BRWD1: variants seen among roughly 807,000 people sequenced by gnomAD.
BRWD1 encodes the protein bromodomain and WD repeat domain containing 1.
BRWD1 carries 82 observed loss-of-function variants against 251.2 expected under a neutral mutation model. That is an observed-to-expected ratio of 0.33 (90% CI 0.27 to 0.39). The LOEUF (loss-of-function observed/expected upper bound fraction) is 0.39. Ranked by LOEUF, BRWD1 falls within the 10% of genes least tolerant of loss-of-function variation. The probability of loss-of-function intolerance (pLI) is 1.00; values close to 1 mark genes in which losing one functional copy is unlikely to be tolerated. For synonymous variants in BRWD1, 918 were observed against 902.8 expected (o/e 1.02, Z -0.30); for missense variants, 2,233 against 2,711.6 (o/e 0.82, Z 3.92).
At chr21:39,261,139 T>G (rs2034730210) in intron 17 of BRWD1, among the ~76,000 whole-genome samples, 1 of 152,066 alleles carries the variant, frequency 6.6e-6, no homozygotes, top group African/African-American at 2.4e-5. Context: ...GCAGGGAAAC[T>G]GCTTGAACCC....
At chr21:39,185,223 C>A (rs1486684701), downstream of BRWD1, 3 of 140,798 alleles carry the variant, frequency 2.1e-5, no homozygotes, top group African/African-American at 8.0e-5. Context: ...ATCTCAAATA[C>A]TGACAGAAAT....
At chr21:39,217,902 A>C (rs1029707001) in intron 31 of BRWD1, among the ~76,000 whole-genome samples, 15 of 152,198 alleles carry the variant, frequency 9.9e-5, no homozygotes, top group Non-Finnish European at 1.6e-4. Context: ...AGTGGAATAA[A>C]AGTAAAATTT....
chr21:39,242,274 T>C (rs1232486138), intron 21 of BRWD1, among the ~76,000 whole-genome samples: 4 of 152,214 alleles, frequency 2.6e-5, no homozygotes, highest in Non-Finnish European at 5.9e-5. Flanking sequence ...ATACGGCTAA[T>C]ATAGAGAAAG....
intron 21 of BRWD1, among the ~76,000 whole-genome samples, chr21:39,246,044 A>G (rs1601373615): frequency 6.6e-6 from 1 of 152,352 alleles, no homozygotes; most frequent in East Asian, 1.9e-4. Context: ...GCTACTAAGG[A>G]AAAAATAAAA....
chr21:39,272,205 C>T (rs1190126800), intron 13 of BRWD1, among the ~76,000 whole-genome samples: 6 of 150,648 alleles, frequency 4.0e-5, no homozygotes, highest in Non-Finnish European at 5.9e-5. Context: ...GAGGGCGACG[C>T]GGGTGGATCA....
upstream of BRWD1, chr21:39,313,957 G>T (rs1045358068): frequency 3.4e-5 from 12 of 351,860 alleles, no homozygotes; most frequent in Non-Finnish European, 5.0e-5. Context: ...GGGGGCGGAA[G>T]CGCGGCCACA....
chr21:39,258,457 T>A lies in BRWD1; in HGVS notation c.2071+30A>T, dbSNP rs368100479. 1.0e-5 allele frequency: 15 copies of A among 1,501,858 alleles called. No individual in the cohort carries two copies. The Admixed American group carries it at 1.0e-4, about 10-fold the overall frequency. The allele number at this position is 1,501,858 out of a possible 1,614,324, so 93.0% of individuals were successfully genotyped here. ...CTCTTTAATTTCAATGCAGCCATAT[T>A]CAGGTAAAACATTTATCACTATTTA... On this transcript the variant is annotated intron_variant, in intron 18 of 40. Transcript: ENST00000342449.
Position 39,295,724 on chromosome 21 carries a change from G to A in BRWD1, c.609+19C>T. ...AGTACTCTAGATGACATCAAATCAA[G>A]TTTAAAATTTTTACTCACTGTAAAG... On this transcript the variant is annotated intron_variant, in intron 7 of 40. Transcript: ENST00000342449. 1 of 1,535,594 alleles carries A rather than the reference G, an allele frequency of 6.5e-7. No individual in the cohort carries two copies. The highest frequency in any genetic ancestry group is 8.8e-7 in the Non-Finnish European group (1 of 1,136,182).
At chr21:39,200,708 G>C (rs942295329) in intron 38 of BRWD1, among the ~76,000 whole-genome samples, 3 of 152,154 alleles carry the variant, frequency 2.0e-5, no homozygotes, top group African/African-American at 7.2e-5. Flanking sequence ...GCTGCAGGCC[G>C]GGCACGGTGA....
chr21:39,314,636 T>C, upstream of BRWD1: 1 of 333,980 alleles, frequency 3.0e-6, no homozygotes, highest in Non-Finnish European at 5.9e-6. Context: ...CAGCCTGCCC[T>C]GCTCTGGCCC....
chr21:39,206,346 T>C (rs1001986932), intron 36 of BRWD1, 72 bp from the exon 37 acceptor site: 2 of 1,152,060 alleles, frequency 1.7e-6, no homozygotes, highest in Admixed American at 5.2e-5. Flanking sequence ...TTGTAATCAT[T>C]GAGATCCCTT....
At chr21:39,314,407 C>T (rs1449473776), upstream of BRWD1, 3 of 446,796 alleles carry the variant, frequency 6.7e-6, no homozygotes, top group African/African-American at 6.0e-5. Flanking sequence ...CGGCTGGATC[C>T]ATCCAAGCAT....
intron 36 of BRWD1, among the ~76,000 whole-genome samples, chr21:39,207,186 G>A (rs2032433722): frequency 6.6e-6 from 1 of 152,050 alleles, no homozygotes; most frequent in Non-Finnish European, 1.5e-5. Flanking sequence ...TATAATCCCA[G>A]TACTTTGGGA....
chr21:39,301,464 G>A (rs2036110806), intron 4 of BRWD1, among the ~76,000 whole-genome samples: 1 of 138,480 alleles, frequency 7.2e-6, no homozygotes, highest in African/African-American at 2.6e-5. Flanking sequence ...CAATAGTCAG[G>A]TAGAAACTGA....
chr21:39,300,790 T>C (rs2036089645), intron 4 of BRWD1, among the ~76,000 whole-genome samples: 1 of 152,212 alleles, frequency 6.6e-6, no homozygotes, highest in South Asian at 2.1e-4. Context: ...TGTTCAAAAA[T>C]GCTTAGCTGT....
rs377323615 is a variant in BRWD1, at chr21:39,209,538, T to G, written c.4197+457A>C. ...GGCTCTGTAACATTATTTGTGGTCT[T>G]AATCTGATAGCTCATGTGTTCCTTC... On this transcript the variant is annotated intron_variant, in intron 36 of 40. Transcript: ENST00000342449. 1.2e-3 allele frequency among the ~76,000 whole-genome samples: 187 copies of G among 152,346 alleles called. 4 individuals carry two copies. The South Asian group carries it at 0.038, about 31-fold the overall frequency.
chr21:39,301,970 C>A, intron 4 of BRWD1, among the ~76,000 whole-genome samples: 1 of 124,426 alleles, frequency 8.0e-6, no homozygotes, highest in African/African-American at 3.0e-5. Context: ...TGTTAAAAAG[C>A]TTTGTGTGTT....
At chr21:39,245,322 C>T (rs1273049013) in intron 21 of BRWD1, among the ~76,000 whole-genome samples, 1 of 152,160 alleles carries the variant, frequency 6.6e-6, no homozygotes, top group Non-Finnish European at 1.5e-5. Context: ...ACTATTTAAA[C>T]ACATTGCATT....
intron 27 of BRWD1, 101 bp downstream of exon 27, chr21:39,228,399 G>T: frequency 1.3e-6 from 1 of 743,878 alleles, no homozygotes; most frequent in Non-Finnish European, 2.3e-6. Flanking sequence ...GAATTTACAT[G>T]TTTGTATATA....
Sources: gnomAD v4.1 joint callset for allele counts (sites outside exome capture counted in the v4.1 genomes callset) on GRCh38, gnomAD v4.1.1 for gene constraint, MANE v1.5 for transcripts, NCBI Gene and HGNC (gene_info 2026-07-23, HGNC 2026-07-21) for gene names.